The following ADAM18 variants were observed in gnomAD, a reference collection of about 807,000 sequenced individuals.
ADAM18 encodes the protein disintegrin and metalloproteinase domain-containing protein 18.
A neutral mutation model predicts 94.4 loss-of-function variants in ADAM18; 117 were observed. The ratio of observed to expected loss-of-function variants is 1.24; its 90% CI spans 1.07 to 1.45. ADAM18 has a LOEUF of 1.45. ADAM18 is among the 40% of genes most tolerant of loss of function. The pLI is 0.00. For missense variants in ADAM18, 936 were observed against 880.0 expected (o/e 1.06, Z -0.81); for synonymous variants, 327 against 291.6 (o/e 1.12, Z -1.24).
At position 39,609,089 on chromosome 8, in the gene ADAM18, G is replaced by A. The variant is rs1370146662; in HGVS notation, c.236G>A (p.Gly79Glu). The change falls in exon 4 of 20, where the codon GGA becomes GAA. Residue 79 changes from glycine to glutamate, a missense_variant. By Grantham distance (98) the Gly-to-Glu change is moderately conservative (BLOSUM62 -2). Coordinates refer to ENST00000265707, the MANE Select transcript of ADAM18 (RefSeq NM_014237.3). ...NFLVYTYNETGSLHSVSPYFM... is the reference protein window; with the variant it reads ...NFLVYTYNETESLHSVSPYFM... ...TTGGTTTATACATATAATGAAACTG[G>A]ATCTTTGCATTCTGTGTCTCCATAT... The A allele has an allele frequency of 1.9e-6, 3 of 1,591,540 alleles. No homozygotes were observed. Among genetic ancestry groups the A allele is most frequent in the Non-Finnish European group, 2.6e-6 (3 of 1,169,544 alleles).
chr8:39,682,642 C>G (rs957452876), intron 16 of ADAM18, among the ~76,000 whole-genome samples: 6 of 152,254 alleles, frequency 3.9e-5, no homozygotes, highest in Non-Finnish European at 7.4e-5. Context: ...CTAATCCCCC[C>G]CCACACACAC....
chr8:39,727,732 C>T (rs1205104244), intron 19 of ADAM18, among the ~76,000 whole-genome samples: 2 of 152,126 alleles, frequency 1.3e-5, no homozygotes, highest in Non-Finnish European at 2.9e-5. Flanking sequence ...CCAAATGTTC[C>T]CTCATCTTCC....
intron 2 of ADAM18, among the ~76,000 whole-genome samples, chr8:39,587,852 C>A (rs189392353): frequency 6.6e-6 from 1 of 152,164 alleles, no homozygotes; most frequent in African/African-American, 2.4e-5. Context: ...GGTTCATTCA[C>A]GTCTCAAATA....
intron 2 of ADAM18, among the ~76,000 whole-genome samples, chr8:39,605,140 G>A (rs984513840): frequency 3.3e-5 from 5 of 152,138 alleles, no homozygotes; most frequent in African/African-American, 1.2e-4. Flanking sequence ...TCCAGTCATA[G>A]GCAGTATTGC....
intron 2 of ADAM18, among the ~76,000 whole-genome samples, chr8:39,606,007 C>T (rs1040409356): frequency 2.0e-5 from 3 of 152,158 alleles, no homozygotes; most frequent in Non-Finnish European, 4.4e-5. Flanking sequence ...TCTCCAAACT[C>T]ACCCAGGTCA....
intron 16 of ADAM18, 57 bp downstream of exon 16, chr8:39,680,283 A>G: frequency 6.9e-7 from 1 of 1,452,846 alleles, no homozygotes; most frequent in South Asian, 1.3e-5. Flanking sequence ...ATTATCAGAT[A>G]CTGCATTCCA....
At chr8:39,683,907 T>A (rs1295314504) in intron 16 of ADAM18, among the ~76,000 whole-genome samples, 1 of 152,156 alleles carries the variant, frequency 6.6e-6, no homozygotes, top group African/African-American at 2.4e-5. Context: ...AACACCAAGA[T>A]GGGAGGATCA....
rs772796921 is a variant in ADAM18 at position 39,645,336 on chromosome 8, A to G, written c.910-2A>G. Reference sequence around the variant, plus strand: ...TTTTCTTTTTCATGTCTTTTATTTTAGTATCCAGATGCAATAGGTTTGGAG... The same window carrying G: ...TTTTCTTTTTCATGTCTTTTATTTTGGTATCCAGATGCAATAGGTTTGGAG... On this transcript the variant is annotated splice_acceptor_variant, in intron 10 of 19. Transcript: ENST00000265707. LOFTEE classifies it high-confidence loss of function. 6.3e-7 allele frequency: 1 copy of G among 1,592,004 alleles called. No individual in the cohort carries two copies. Among genetic ancestry groups the G allele is most frequent in the Admixed American group, 1.8e-5 (1 of 54,300 alleles).
rs184608562 is a variant in ADAM18 at position 39,650,506 on chromosome 8, A to G, written c.1230+1979A>G. Among the ~76,000 whole-genome samples the G allele has an allele frequency of 1.8e-4, 27 of 152,340 alleles. No homozygotes were observed. In the East Asian group the frequency reaches 4.8e-3, roughly 27 times the overall value. On this transcript the variant is annotated intron_variant, in intron 12 of 19. Transcript: ENST00000265707. ...TCTTCCTACACTAACAACAAACTGT[A>G]TGAAAAAGAAATCAAGAACACAGTC...
intron 2 of ADAM18, among the ~76,000 whole-genome samples, chr8:39,598,343 T>C (rs1818800988): frequency 1.3e-5 from 2 of 152,124 alleles, no homozygotes; most frequent in Admixed American, 6.6e-5. Context: ...CATGAAAGGG[T>C]CTAGTTTTTC....
At chr8:39,632,771 C>T (rs1019768040) in intron 7 of ADAM18, among the ~76,000 whole-genome samples, 1 of 152,108 alleles carries the variant, frequency 6.6e-6, no homozygotes, top group Non-Finnish European at 1.5e-5. Context: ...CTCTGAAACC[C>T]TGTAGACCTT....
At position 39,677,582 on chromosome 8, in the gene ADAM18, G is replaced by T. The variant is rs1290816827; in HGVS notation, c.1631+46G>T. Reference sequence around the variant, plus strand: ...TGCTTCTTTGAATCATAAAAATTATGTATTTTTATCAAGAGACACTAAGTA... The same window carrying T: ...TGCTTCTTTGAATCATAAAAATTATTTATTTTTATCAAGAGACACTAAGTA... On this transcript the variant is annotated intron_variant, in intron 15 of 19. Transcript: ENST00000265707. 4.2e-6 allele frequency: 6 copies of T among 1,413,712 alleles called. No homozygotes were observed. In the East Asian group the frequency reaches 1.4e-4, roughly 34 times the overall value. The allele number at this position is 1,413,712 out of a possible 1,614,324, so 87.6% of individuals were successfully genotyped here.
intron 7 of ADAM18, among the ~76,000 whole-genome samples, chr8:39,630,549 A>G (rs1380200433): frequency 6.6e-6 from 1 of 151,918 alleles, no homozygotes; most frequent in Non-Finnish European, 1.5e-5. Flanking sequence ...TAAATTGTAG[A>G]TTATACATTC....
rs71518171 is a variant in ADAM18 at position 39,661,319 on chromosome 8, A to ATTTTTT, written c.1231-2453_1231-2448dup. Among the ~76,000 whole-genome samples the ATTTTTT allele has an allele frequency of 1.0e-3, 117 of 112,792 alleles. 1 individual carries two copies. Among genetic ancestry groups the ATTTTTT allele is most frequent in the African/African-American group, 4.5e-3 (110 of 24,252 alleles). The allele number at this position is 112,792 out of a possible 152,430, so 74.0% of individuals were successfully genotyped here. A position where few individuals can be genotyped will look rare whatever the true frequency, so the allele number is the denominator to read the frequency against. Reference sequence around the variant, plus strand: ...AGGCGCCCACCACCACACCCGGCAAATTTTTTTTTTTTTTTTTTTTTTTTT... The same window carrying ATTTTTT: ...AGGCGCCCACCACCACACCCGGCAAATTTTTTTTTTTTTTTTTTTTTTTTTTTTTTT... On this transcript the variant is annotated intron_variant, in intron 12 of 19. Transcript: ENST00000265707.
rs148849560 is a variant in ADAM18 at position 39,603,140 on chromosome 8, A to T, written c.133-3167A>T. Among the ~76,000 whole-genome samples, 909 of 152,290 alleles carry T rather than the reference A, an allele frequency of 6.0e-3. 5 individuals are homozygous for T. The highest frequency in any genetic ancestry group is 0.021 in the African/African-American group (863 of 41,570). On this transcript the variant is annotated intron_variant, in intron 2 of 19. Transcript: ENST00000265707. Reference sequence around the variant, plus strand: ...CAATTGAAATGACGACCCTTTCTCCATTGAACTGCCTTTGAATCTTTTTCA... The same window carrying T: ...CAATTGAAATGACGACCCTTTCTCCTTTGAACTGCCTTTGAATCTTTTTCA...
intron 14 of ADAM18, among the ~76,000 whole-genome samples, chr8:39,676,437 A>G (rs1821303745): frequency 6.6e-6 from 1 of 152,214 alleles, no homozygotes; most frequent in African/African-American, 2.4e-5. Context: ...CTCTGTGGGC[A>G]TGGGAACTGT....
At chr8:39,648,919 T>C (rs1013594773) in intron 12 of ADAM18, among the ~76,000 whole-genome samples, 1 of 152,174 alleles carries the variant, frequency 6.6e-6, no homozygotes, top group Non-Finnish European at 1.5e-5. Flanking sequence ...TTGCTAAACA[T>C]TATAATGAGG....
At chr8:39,646,075 A>G (rs984424064) in intron 11 of ADAM18, among the ~76,000 whole-genome samples, 1 of 152,178 alleles carries the variant, frequency 6.6e-6, no homozygotes, top group African/African-American at 2.4e-5. Context: ...AAATAAGCTA[A>G]GGCATTTCTT....
intron 18 of ADAM18, among the ~76,000 whole-genome samples, chr8:39,722,703 T>C (rs1421748685): frequency 6.6e-6 from 1 of 151,532 alleles, no homozygotes; most frequent in Non-Finnish European, 1.5e-5. Context: ...CATGAAAAGA[T>C]ACAAGTATAG....
Sources: allele counts gnomAD v4.1 joint callset (sites outside exome capture counted in the v4.1 genomes callset), GRCh38; gene constraint gnomAD v4.1.1; transcripts MANE v1.5; gene names NCBI Gene and HGNC (gene_info 2026-07-23, HGNC 2026-07-21).